NEK7: variants seen among roughly 807,000 people sequenced by gnomAD.
NEK7 encodes the protein NIMA related kinase 7, also known as serine/threonine-protein kinase Nek7.
In NEK7, 18 loss-of-function variants were observed where a neutral mutation model predicts 44.6. The observed-to-expected ratio is 0.40, with a 90% confidence interval of 0.28 to 0.60. The LOEUF (loss-of-function observed/expected upper bound fraction) is 0.60. Ranked by LOEUF, NEK7 falls within the 20% of genes least tolerant of loss-of-function variation. NEK7 has a pLI of 0.38. For missense variants in NEK7, 256 were observed against 366.5 expected (o/e 0.70, Z 2.46); for synonymous variants, 130 against 121.1 (o/e 1.07, Z -0.48).
intron 8 of NEK7, among the ~76,000 whole-genome samples, chr1:198,294,809 C>T (rs1322282700): frequency 6.6e-6 from 1 of 152,102 alleles, no homozygotes; most frequent in East Asian, 1.9e-4. Flanking sequence ...GTTTTCATCT[C>T]AACGCATTTT....
chr1:198,261,519 C>G (rs914851505), intron 3 of NEK7, among the ~76,000 whole-genome samples: 1 of 151,878 alleles, frequency 6.6e-6, no homozygotes, highest in African/African-American at 2.4e-5. Context: ...TTCTGCCACT[C>G]CTTTGACATT....
intron 7 of NEK7, among the ~76,000 whole-genome samples, chr1:198,291,497 A>G (rs1378654184): frequency 1.7e-5 from 2 of 114,310 alleles, no homozygotes; most frequent in Non-Finnish European, 3.7e-5. Context: ...CTTTTCTGAC[A>G]CTATAGAAAT....
chr1:198,213,206 A>T (rs944918683), intron 1 of NEK7, among the ~76,000 whole-genome samples: 10 of 152,056 alleles, frequency 6.6e-5, no homozygotes, highest in Non-Finnish European at 1.5e-4. Context: ...AGGGACTGTT[A>T]ATCTTAAGGG....
chr1:198,281,187 A>G lies in NEK7; in HGVS notation c.589+2126A>G, dbSNP rs543666604. ...AATATGTATAAAATAGCAAGGATAG[A>G]AATCCTGACAGACATTCTTGATGAC... On this transcript the variant is annotated intron_variant, in intron 7 of 9. Transcript: ENST00000367385. Among the ~76,000 whole-genome samples, 31 of 152,168 alleles carry G rather than the reference A, an allele frequency of 2.0e-4. 1 individual carries two copies. Among genetic ancestry groups the G allele is most frequent in the Admixed American group, 1.5e-3 (23 of 15,260 alleles).
intron 1 of NEK7, among the ~76,000 whole-genome samples, chr1:198,169,371 T>C (rs1664365108): frequency 6.6e-6 from 1 of 152,222 alleles, no homozygotes; most frequent in African/African-American, 2.4e-5. Flanking sequence ...TGGAGGATTG[T>C]ATTTCTTATC....
intron 1 of NEK7, among the ~76,000 whole-genome samples, chr1:198,186,619 T>C (rs1210121175): frequency 6.6e-6 from 1 of 152,212 alleles, no homozygotes; most frequent in Non-Finnish European, 1.5e-5. Flanking sequence ...CAGTCTTTCC[T>C]GACAGTCCAA....
chr1:198,315,256 C>T (rs542598108), intron 9 of NEK7, among the ~76,000 whole-genome samples: 103 of 152,334 alleles, frequency 6.8e-4, no homozygotes, highest in Middle Eastern at 6.8e-3. Flanking sequence ...TGACCCCTTG[C>T]GCTTCCCGAG....
Position 198,264,127 on chromosome 1 carries a change from A to G in NEK7, c.264A>G (p.Gln88=). The G allele has an allele frequency of 6.3e-7, 1 of 1,584,312 alleles. No individual in the cohort carries two copies. Among genetic ancestry groups the G allele is most frequent in the Non-Finnish European group, 8.6e-7 (1 of 1,168,840 alleles). ...DCIKEIDLLK[Q]LNHPNVIKYY... ...TGATGCCTGTTTTATTTTCTCAGCA[A>G]CTCAACCATCCAAATGTAATAAAAT... Residue 88 remains glutamine, a splice_region_variant and synonymous_variant, in exon 5 of 10, where the codon CAA becomes CAG. Transcript: ENST00000367385.
At chr1:198,251,412 T>C (rs7542617) in intron 2 of NEK7, among the ~76,000 whole-genome samples, 6,012 of 92,626 alleles carry the variant, frequency 0.065, 308 homozygotes, top group East Asian at 0.29. Context: ...GGGAGGATTC[T>C]CTCTTTTTCT....
chr1:198,183,903 A>G (rs930027329), intron 1 of NEK7, among the ~76,000 whole-genome samples: 10 of 152,186 alleles, frequency 6.6e-5, no homozygotes, highest in East Asian at 5.8e-4. Flanking sequence ...AAATGTAAAA[A>G]CAATTTTTTT....
In NEK7 at chr1:198,319,416, G is replaced by A. The variant is rs142206404; in HGVS notation, c.803G>A (p.Arg268Gln). 6 of 1,607,628 alleles carry A rather than the reference G, an allele frequency of 3.7e-6. No individual in the cohort carries two copies. Among genetic ancestry groups the A allele is most frequent in the South Asian group, 1.1e-5 (1 of 90,184 alleles). The change falls in exon 10 of 10, where the codon CGA becomes CAA. Residue 268 changes from arginine (R) to glutamine (Q), a missense_variant. Arg to Gln is a conservative substitution (Grantham distance 43). Coordinates refer to ENST00000367385, the MANE Select transcript of NEK7 (RefSeq NM_133494.3). ...ATTGTTTTTCTTTCTTCACAGCTCCGACAGTTAGTTAATATGTGCATCAAC... is the reference window on the plus strand; with the variant it reads ...ATTGTTTTTCTTTCTTCACAGCTCCAACAGTTAGTTAATATGTGCATCAAC... ...LPSDHYSEEL[R>Q]QLVNMCINPD...
At chr1:198,237,395 G>A (rs953304430) in intron 2 of NEK7, among the ~76,000 whole-genome samples, 4 of 151,888 alleles carry the variant, frequency 2.6e-5, no homozygotes, top group Admixed American at 6.6e-5. Context: ...CCCTAATGCT[G>A]CCCAAACTGA....
chr1:198,192,985 G>A (rs1448267148), intron 1 of NEK7, among the ~76,000 whole-genome samples: 3 of 149,012 alleles, frequency 2.0e-5, no homozygotes, highest in Non-Finnish European at 4.4e-5. Flanking sequence ...AGAAGACAGA[G>A]ACATGAAAAA....
chr1:198,271,311 C>T (rs1220313543), intron 5 of NEK7, among the ~76,000 whole-genome samples: 1 of 151,988 alleles, frequency 6.6e-6, no homozygotes, highest in African/African-American at 2.4e-5. Context: ...GCCCTACTCA[C>T]ATTCAAGAGA....
chr1:198,164,308 C>T (rs963554680), intron 1 of NEK7, among the ~76,000 whole-genome samples: 1 of 152,208 alleles, frequency 6.6e-6, no homozygotes, highest in Non-Finnish European at 1.5e-5. Flanking sequence ...CAGAAGTCCA[C>T]CGGTCTAGGG....
At chr1:198,247,809 T>G (rs540133226) in intron 2 of NEK7, among the ~76,000 whole-genome samples, 1 of 152,268 alleles carries the variant, frequency 6.6e-6, no homozygotes, top group Non-Finnish European at 1.5e-5. Context: ...ATGATAGATG[T>G]AGTAAAATTA....
intron 2 of NEK7, among the ~76,000 whole-genome samples, chr1:198,249,203 C>T (rs959292115): frequency 4.6e-5 from 7 of 152,016 alleles, no homozygotes; most frequent in Admixed American, 2.0e-4. Context: ...ATCCATGTCC[C>T]TACAAAGGAC....
chr1:198,159,855 T>A (rs559359934), intron 1 of NEK7, among the ~76,000 whole-genome samples: 57 of 151,732 alleles, frequency 3.8e-4, no homozygotes, highest in African/African-American at 1.0e-3. Context: ...TTAATAAATT[T>A]AAAAAAAAAT....
chr1:198,276,393 C>T (rs1367588499), intron 5 of NEK7, among the ~76,000 whole-genome samples: 1 of 151,646 alleles, frequency 6.6e-6, no homozygotes, highest in African/African-American at 2.4e-5. Flanking sequence ...ATCAAACAGT[C>T]CTCTGATATG....
Sources: gnomAD v4.1 joint callset for allele counts (sites outside exome capture counted in the v4.1 genomes callset) on GRCh38, gnomAD v4.1.1 for gene constraint, MANE v1.5 for transcripts, NCBI Gene and HGNC (gene_info 2026-07-23, HGNC 2026-07-21) for gene names.